CHAT: variants seen among roughly 807,000 people sequenced by gnomAD.
CHAT encodes the protein acetyl CoA:choline O-acetyltransferase.
CHAT carries 61 observed loss-of-function variants against 76.9 expected under a neutral mutation model. The ratio of observed to expected loss-of-function variants is 0.79; its 90% CI spans 0.65 to 0.98. CHAT has a LOEUF of 0.98. Among genes scored for constraint, CHAT ranks in the 50% least tolerant of loss-of-function variants. CHAT has a pLI of 0.00. For missense variants in CHAT, 946 were observed against 986.9 expected (o/e 0.96, Z 0.56); for synonymous variants, 407 against 397.4 (o/e 1.02, Z -0.29).
intron 9 of CHAT, among the ~76,000 whole-genome samples, chr10:49,649,035 C>T (rs1839779695): frequency 6.6e-6 from 1 of 152,158 alleles, no homozygotes; most frequent in Admixed American, 6.5e-5. Context: ...TCCTCTGTGC[C>T]CTAAACACAT....
chr10:49,665,469 A>C lies in CHAT; in HGVS notation c.*423A>C, dbSNP rs1840321680. 6.6e-6 allele frequency among the ~76,000 whole-genome samples: 1 copy of C among 152,158 alleles called. No individual in the cohort carries two copies. Among genetic ancestry groups the C allele is most frequent in the Non-Finnish European group, 1.5e-5 (1 of 68,028 alleles). ...AACGTACCTAATGAGTTAGGAAGGA[A>C]GAGGCTAACTCCAGGTCATTACCTC... On this transcript the variant is annotated 3_prime_UTR_variant, in exon 15 of 15. Coordinates refer to ENST00000337653, the MANE Select transcript of CHAT (RefSeq NM_020549.5).
intron 13 of CHAT, among the ~76,000 whole-genome samples, chr10:49,658,634 G>A (rs949475053): frequency 9.9e-5 from 15 of 152,152 alleles, no homozygotes; most frequent in Non-Finnish European, 1.6e-4. Context: ...GCTTGAACCC[G>A]GGAGTCGGAA....
chr10:49,641,625 AC>A (rs1839483921), intron 7 of CHAT, among the ~76,000 whole-genome samples: 1 of 152,074 alleles, frequency 6.6e-6, no homozygotes, highest in African/African-American at 2.4e-5. Flanking sequence ...TGGCAGATTT[AC>A]CTCCCAAAAG....
At chr10:49,650,834 G>A (rs904249312) in intron 10 of CHAT, among the ~76,000 whole-genome samples, 3 of 152,166 alleles carry the variant, frequency 2.0e-5, no homozygotes, top group Non-Finnish European at 4.4e-5. Flanking sequence ...GGCATGGAGG[G>A]GCCTCAGGTG....
intron 7 of CHAT, among the ~76,000 whole-genome samples, chr10:49,646,024 GCAA>G (rs907520840): frequency 2.6e-5 from 4 of 152,244 alleles, no homozygotes; most frequent in South Asian, 2.1e-4. Context: ...TTTTGAAATT[GCAA>G]CAACAATTTT....
chr10:49,654,495 T>C (rs952115049), intron 11 of CHAT, among the ~76,000 whole-genome samples: 3 of 152,330 alleles, frequency 2.0e-5, no homozygotes, highest in Non-Finnish European at 2.9e-5. Context: ...CCAGTTACCA[T>C]GCATAAGGAC....
At chr10:49,629,970 C>G (rs1184876614) in intron 7 of CHAT, among the ~76,000 whole-genome samples, 1 of 152,186 alleles carries the variant, frequency 6.6e-6, no homozygotes, top group Non-Finnish European at 1.5e-5. Context: ...AAAGCGAGAA[C>G]AATTCCTGGG....
At chr10:49,622,040 G>GAAGGGAGGGAAGA (rs1564473582) in intron 4 of CHAT, 57 bp from the exon 5 acceptor site, 13 of 1,545,146 alleles carry the variant, frequency 8.4e-6, no homozygotes, top group African/African-American at 8.2e-5. Context: ...AAGGGAGGGA[G>GAAGGGAGGGAAGA]GGAGGGAGGA....
At chr10:49,650,288 T>C (rs187929546) in intron 10 of CHAT, among the ~76,000 whole-genome samples, 5 of 152,296 alleles carry the variant, frequency 3.3e-5, no homozygotes, top group Admixed American at 2.6e-4. Flanking sequence ...GAAAGTTAAG[T>C]ACCATGGGAC....
At chr10:49,660,398 C>T (rs55840048) in intron 13 of CHAT, among the ~76,000 whole-genome samples, 4,377 of 151,160 alleles carry the variant, frequency 0.029, 55 homozygotes, top group Middle Eastern at 0.051. Context: ...GCTGAGATCG[C>T]GCCACTGCAC....
chr10:49,634,600 C>A (rs1839235714), intron 7 of CHAT, among the ~76,000 whole-genome samples: 1 of 152,254 alleles, frequency 6.6e-6, no homozygotes, highest in South Asian at 2.1e-4. Context: ...ACACACTGGG[C>A]TCCTCTCTTT....
rs572002174 is a variant in CHAT at position 49,614,363 on chromosome 10, C to A, written c.174C>A (p.Ser58Arg). 247 of 1,544,800 alleles carry A rather than the reference C, an allele frequency of 1.6e-4. 5 individuals are homozygous for A. The South Asian group carries it at 2.8e-3, about 18-fold the overall frequency. ...VGGPAGNPGC[S>R]PHPRAATRPP... is the part of the protein sequence containing the mutation. Reference sequence around the variant, plus strand: ...GCCCTGCCGGGAACCCAGGCTGCAGCCCCCACCCCCGCGCTGCGACACGCC... The same window carrying A: ...GCCCTGCCGGGAACCCAGGCTGCAGACCCCACCCCCGCGCTGCGACACGCC... Residue 58 changes from serine (S) to arginine (R), a missense_variant, in exon 1 of 15, where the codon AGC becomes AGA. Around this residue, in one of 3 missense-constraint regions of CHAT, gnomAD observed 548 missense variants for 516.2 expected, o/e 1.06. Coordinates refer to ENST00000337653, the MANE Select transcript of CHAT (RefSeq NM_020549.5).
rs1481451663 is a variant in CHAT at position 49,614,182 on chromosome 10, G to A, written c.-8G>A. ...GCTGAGATCCCTGGGCGGGGAGCTG[G>A]GGAAGGGATGGGGCTGAGGACAGCG... On this transcript the variant is annotated 5_prime_UTR_variant, in exon 1 of 15. Transcript: ENST00000337653. The A allele has an allele frequency of 3.2e-6, 5 of 1,543,296 alleles. No individual in the cohort carries two copies. The highest frequency in any genetic ancestry group is 2.4e-5 in the East Asian group (1 of 40,822).
intron 5 of CHAT, among the ~76,000 whole-genome samples, chr10:49,624,866 T>C (rs1480276453): frequency 1.3e-5 from 2 of 150,768 alleles, no homozygotes; most frequent in African/African-American, 4.9e-5. Context: ...AGATGGATGG[T>C]GGATAGATGT....
In CHAT at chr10:49,664,940, G is replaced by A. The variant is rs535850567; in HGVS notation, c.2141G>A (p.Ser714Asn). Residue 714 changes from serine (S) to asparagine (N), a missense_variant, in exon 15 of 15, where the codon AGC (serine) becomes AAC (asparagine). This residue lies in a region of CHAT where 349 missense variants were observed against 393.9 expected (regional missense o/e 0.89). Coordinates refer to ENST00000337653, the MANE Select transcript of CHAT (RefSeq NM_020549.5). ...SSKFAKAVEE[S>N]LIDMRDLCSL... is the part of the protein sequence containing the mutation. ...AAGTTTGCAAAAGCTGTGGAAGAAA[G>A]CCTCATTGACATGAGAGACCTCTGC... 6.2e-7 allele frequency: 1 copy of A among 1,614,240 alleles called. No homozygotes were observed. Among genetic ancestry groups the A allele is most frequent in the South Asian group, 1.1e-5 (1 of 91,082 alleles).
chr10:49,619,322 G>A (rs773138275), intron 2 of CHAT, among the ~76,000 whole-genome samples: 1 of 152,122 alleles, frequency 6.6e-6, no homozygotes, highest in Non-Finnish European at 1.5e-5. Flanking sequence ...TGGCTTAAAA[G>A]CACTTTCATA....
intron 7 of CHAT, 129 bp downstream of exon 7, chr10:49,627,914 T>G: frequency 9.2e-7 from 1 of 1,091,536 alleles, no homozygotes; most frequent in Non-Finnish European, 1.3e-6. Context: ...GCCCACAGCA[T>G]GCCCTGCGGC....
intron 2 of CHAT, among the ~76,000 whole-genome samples, chr10:49,617,519 T>TG (rs1250866911): frequency 6.6e-6 from 1 of 152,200 alleles, no homozygotes; most frequent in Non-Finnish European, 1.5e-5. Flanking sequence ...GGAGGATCCC[T>TG]GGGGGGTTGA....
chr10:49,649,429 G>A, intron 9 of CHAT, 79 bp from the exon 10 acceptor site: 1 of 1,603,374 alleles, frequency 6.2e-7, no homozygotes, highest in Non-Finnish European at 8.5e-7. Flanking sequence ...CAGCTAAGAT[G>A]ATTGCACAGA....
Sources: gnomAD v4.1 joint callset for allele counts (sites outside exome capture counted in the v4.1 genomes callset) on GRCh38, gnomAD v4.1.1 for gene constraint, gnomAD v4.1.1 regional missense constraint, MANE v1.5 for transcripts, NCBI Gene and HGNC (gene_info 2026-07-23, HGNC 2026-07-21) for gene names.